The following SHC4 variants were observed in gnomAD, a reference collection of about 807,000 sequenced individuals.
SHC4 encodes SHC adaptor protein 4, also known as SHC-transforming protein 4.
Under a neutral mutation model 69.4 loss-of-function variants are expected in SHC4, and 41 were observed. That is an observed-to-expected ratio of 0.59 (90% CI 0.46 to 0.77). The LOEUF is 0.77. Among genes scored for constraint, SHC4 ranks in the 30% least tolerant of loss-of-function variants. The probability of loss-of-function intolerance (pLI) is 0.00; values close to 1 mark genes in which losing one functional copy is unlikely to be tolerated. For missense variants in SHC4, 777 were observed against 783.8 expected, an observed-to-expected ratio of 0.99 and a Z score of 0.10; for synonymous variants, 318 against 299.3, an observed-to-expected ratio of 1.06 and a Z score of -0.64.
At chr15:48,839,707 G>C (rs1302079193) in intron 10 of SHC4, among the ~76,000 whole-genome samples, 1 of 152,142 alleles carries the variant, frequency 6.6e-6, no homozygotes, top group East Asian at 1.9e-4. Context: ...GGGTATGGAG[G>C]GTGGCAGACA....
At chr15:48,876,532 CTAAG>C (rs769445640) in intron 4 of SHC4, 4 of 629,616 alleles carry the variant, frequency 6.4e-6, no homozygotes, top group South Asian at 3.7e-5. Context: ...GGGGAGTTCA[CTAAG>C]TATTAACTCA....
chr15:48,826,032 A>C lies in SHC4; in HGVS notation c.1832T>G (p.Val611Gly). The change falls in exon 12 of 12, where the codon GTA (valine) becomes GGA (glycine). Residue 611 changes from valine to glycine, a missense_variant. Coordinates refer to ENST00000332408, the MANE Select transcript of SHC4 (RefSeq NM_203349.4). The stretch of plus-strand genomic sequence containing the variant: ...TTTTCTCACTGGTTGTTTAAGGCTT[A>C]CTTCGCTTCCAGAGGAGATGATTGG... The part of the protein sequence containing the change: ...SLPIISSGSE[V>G]SLKQPVRKDN... 1 of 1,614,064 alleles carries C rather than the reference A, an allele frequency of 6.2e-7. No individual in the cohort carries two copies. Among genetic ancestry groups the C allele is most frequent in the Non-Finnish European group, 8.5e-7 (1 of 1,179,958 alleles).
chr15:48,903,055 G>A (rs1301177530), intron 2 of SHC4, among the ~76,000 whole-genome samples: 1 of 152,152 alleles, frequency 6.6e-6, no homozygotes, highest in Non-Finnish European at 1.5e-5. Context: ...AGACACAGAT[G>A]ATCTGGATCA....
intron 2 of SHC4, among the ~76,000 whole-genome samples, chr15:48,896,632 T>C (rs547336928): frequency 6.6e-6 from 1 of 152,260 alleles, no homozygotes; most frequent in African/African-American, 2.4e-5. Flanking sequence ...TACAAACTTT[T>C]CTATTCCATT....
At chr15:48,895,021 T>C (rs1900200295) in intron 2 of SHC4, among the ~76,000 whole-genome samples, 1 of 151,982 alleles carries the variant, frequency 6.6e-6, no homozygotes, top group Non-Finnish European at 1.5e-5. Flanking sequence ...CCTGGGTTGG[T>C]CTTGAACTCC....
chr15:48,962,486 T>C lies in SHC4; in HGVS notation c.530A>G (p.Gln177Arg). The C allele has an allele frequency of 6.5e-7, 1 of 1,549,478 alleles. No homozygotes were observed. The highest frequency in any genetic ancestry group is 2.3e-5 in the East Asian group (1 of 44,358). The change falls in exon 1 of 12, where the codon CAG becomes CGG. Residue 177 changes from glutamine (Q) to arginine (R), a missense_variant. Gln to Arg is a conservative substitution (Grantham distance 43, BLOSUM62 1). Coordinates refer to ENST00000332408, the MANE Select transcript of SHC4 (RefSeq NM_203349.4). The stretch of plus-strand genomic sequence containing the variant: ...CAGGTGCTGTAGAAAGTGCCTGTCC[T>C]GCCTGCTCCTAAGTGTTGGCTCCCC... ...GPGEPTLRSR[Q>R]DRHFLQHLLG...
chr15:48,958,718 T>C (rs1901492518), intron 1 of SHC4, among the ~76,000 whole-genome samples: 2 of 152,202 alleles, frequency 1.3e-5, no homozygotes, highest in African/African-American at 4.8e-5. Flanking sequence ...TTCCCCACTA[T>C]GTTGGGCACC....
intron 2 of SHC4, among the ~76,000 whole-genome samples, chr15:48,892,503 T>C (rs998984032): frequency 4.6e-5 from 7 of 152,078 alleles, no homozygotes; most frequent in African/African-American, 1.7e-4. Context: ...TCTGGCTTGG[T>C]TGGTTGATTG....
intron 4 of SHC4, among the ~76,000 whole-genome samples, chr15:48,883,341 A>C (rs1899978148): frequency 6.6e-6 from 1 of 152,208 alleles, no homozygotes; most frequent in Non-Finnish European, 1.5e-5. Flanking sequence ...GATGAGGAAA[A>C]CTGAAGCCCA....
chr15:48,837,943 C>A (rs1567048918), intron 10 of SHC4, among the ~76,000 whole-genome samples: 1 of 152,062 alleles, frequency 6.6e-6, no homozygotes, highest in Non-Finnish European at 1.5e-5. Flanking sequence ...TTAAAGAAAC[C>A]AATATGAACT....
chr15:48,862,319 T>C (rs976142311), intron 6 of SHC4, among the ~76,000 whole-genome samples: 3 of 152,128 alleles, frequency 2.0e-5, no homozygotes, highest in Admixed American at 2.0e-4. Flanking sequence ...ATTCCTGGAC[T>C]GCCACACATT....
At chr15:48,953,214 G>T (rs1044016139) in intron 1 of SHC4, among the ~76,000 whole-genome samples, 1 of 152,148 alleles carries the variant, frequency 6.6e-6, no homozygotes, top group African/African-American at 2.4e-5. Context: ...GGAACTAAAT[G>T]ATGAGAACGC....
chr15:48,878,076 G>C (rs1410628110), intron 4 of SHC4: 2 of 1,458,406 alleles, frequency 1.4e-6, no homozygotes, highest in African/African-American at 1.4e-5. Context: ...CTGCGCGCGG[G>C]GTTACGCAAG....
At chr15:48,837,125 T>A (rs1205262329) in intron 10 of SHC4, among the ~76,000 whole-genome samples, 1 of 152,210 alleles carries the variant, frequency 6.6e-6, no homozygotes, top group African/African-American at 2.4e-5. Context: ...GCTTTTGGTC[T>A]ATTCTGAGAT....
chr15:48,935,284 T>C (rs1474255271), intron 1 of SHC4, among the ~76,000 whole-genome samples: 1 of 152,162 alleles, frequency 6.6e-6, no homozygotes, highest in Admixed American at 6.5e-5. Flanking sequence ...AGTTCATTGC[T>C]CTTCCTTTGG....
At chr15:48,880,339 A>G (rs1899916521) in intron 4 of SHC4, among the ~76,000 whole-genome samples, 1 of 152,152 alleles carries the variant, frequency 6.6e-6, no homozygotes, top group Non-Finnish European at 1.5e-5. Context: ...ACTTAATCCT[A>G]CTGCCTCTTC....
At chr15:48,841,407 C>T (rs1262366711) in intron 10 of SHC4, among the ~76,000 whole-genome samples, 1 of 152,232 alleles carries the variant, frequency 6.6e-6, no homozygotes, top group Non-Finnish European at 1.5e-5. Flanking sequence ...AAGATGTCCT[C>T]TGTGGTAGCC....
intron 3 of SHC4, among the ~76,000 whole-genome samples, chr15:48,885,598 T>A (rs1482142617): frequency 3.9e-5 from 6 of 152,238 alleles, no homozygotes; most frequent in Non-Finnish European, 7.3e-5. Context: ...AATCAATACT[T>A]TAAGGCAATC....
intron 11 of SHC4, 51 bp from the exon 12 acceptor site, chr15:48,826,177 G>A: frequency 6.6e-7 from 1 of 1,512,512 alleles, no homozygotes; most frequent in Non-Finnish European, 8.9e-7. Flanking sequence ...TAGTTCTCCT[G>A]AAAGATATAA....
Sources: allele counts gnomAD v4.1 joint callset (sites outside exome capture counted in the v4.1 genomes callset), GRCh38; gene constraint gnomAD v4.1.1; transcripts MANE v1.5; gene names NCBI Gene and HGNC (gene_info 2026-07-23, HGNC 2026-07-21).